The following RPH3AL variants were observed in gnomAD, a reference collection of about 807,000 sequenced individuals.
RPH3AL encodes rab effector Noc2.
A neutral mutation model predicts 43.1 loss-of-function variants in RPH3AL; 38 were observed. The observed-to-expected ratio is 0.88, with a 90% CI of 0.68 to 1.15. The LOEUF (loss-of-function observed/expected upper bound fraction) is 1.15, where lower values mean the gene tolerates loss of function less well. Ranked by LOEUF, RPH3AL falls within the 50% of genes most tolerant of loss-of-function variation. The pLI, the probability that RPH3AL is intolerant of heterozygous loss-of-function variation, is 0.00. For synonymous variants in RPH3AL, 189 were observed against 176.3 expected, an observed-to-expected ratio of 1.07 and a Z score of -0.57; for missense variants, 462 against 423.2, an observed-to-expected ratio of 1.09 and a Z score of -0.81.
chr17:265,474 C>A (rs1208513553), intron 6 of RPH3AL, among the ~76,000 whole-genome samples: 2 of 152,190 alleles, frequency 1.3e-5, no homozygotes, highest in African/African-American at 4.8e-5. Context: ...CACATATCCA[C>A]CTAAGACAAC....
At chr17:351,458 A>G (rs1463594239) in intron 1 of RPH3AL, among the ~76,000 whole-genome samples, 4 of 152,104 alleles carry the variant, frequency 2.6e-5, no homozygotes, top group Non-Finnish European at 4.4e-5. Flanking sequence ...ACCTGCTGCA[A>G]CCAAAATAGA....
chr17:269,095 G>A (rs998658201), intron 6 of RPH3AL, among the ~76,000 whole-genome samples: 9 of 152,118 alleles, frequency 5.9e-5, no homozygotes, highest in East Asian at 1.9e-4. Flanking sequence ...AGCCAGGATG[G>A]TCTCGATCTC....
At chr17:343,397 G>A (rs4247114) in intron 1 of RPH3AL, among the ~76,000 whole-genome samples, 120,185 of 152,174 alleles carry the variant, frequency 0.79, 50,490 homozygotes, top group Non-Finnish European at 0.93. Flanking sequence ...CAAAGCAGGC[G>A]CTCAACCCTG....
intron 7 of RPH3AL, among the ~76,000 whole-genome samples, chr17:243,366 G>C (rs2041632412): frequency 7.9e-6 from 1 of 127,360 alleles, no homozygotes; most frequent in South Asian, 2.6e-4. Context: ...TTCCTCTATT[G>C]ATTACCCTTC....
chr17:235,128 C>G (rs964270290), intron 7 of RPH3AL, among the ~76,000 whole-genome samples: 2 of 151,970 alleles, frequency 1.3e-5, no homozygotes, highest in African/African-American at 2.4e-5. Flanking sequence ...TCGGCCGAGG[C>G]TCTGCACTAA....
rs905074941 is a variant in RPH3AL at position 274,083 on chromosome 17, C to T, written c.438+7685G>A. Reference sequence around the variant, plus strand: ...CTTTGAGTGAGTCATTCTTCGTTTTCGTTTAGTGGATAGGGATTCGAGGCT... The same window carrying T: ...CTTTGAGTGAGTCATTCTTCGTTTTTGTTTAGTGGATAGGGATTCGAGGCT... On this transcript the variant is annotated intron_variant, in intron 6 of 9. Transcript: ENST00000331302. The surrounding 1 kb of genome is among the most constrained non-coding windows in gnomAD (Gnocchi z 4.7). 2.6e-5 allele frequency among the ~76,000 whole-genome samples: 4 copies of T among 152,174 alleles called. No homozygotes were observed. Among genetic ancestry groups the T allele is most frequent in the South Asian group, 2.1e-4 (1 of 4,824 alleles).
intron 7 of RPH3AL, among the ~76,000 whole-genome samples, chr17:220,228 C>A (rs2040929962): frequency 3.3e-5 from 5 of 149,836 alleles, no homozygotes; most frequent in Non-Finnish European, 4.5e-5. Context: ...GACCCAAAAA[C>A]AACAGCTCTG....
intron 7 of RPH3AL, among the ~76,000 whole-genome samples, chr17:223,066 T>C (rs979319476): frequency 6.6e-6 from 1 of 152,112 alleles, no homozygotes; most frequent in Non-Finnish European, 1.5e-5. Flanking sequence ...GATGGGCACG[T>C]GTACTCCCAG....
chr17:270,419 G>A (rs2042434789), intron 6 of RPH3AL, among the ~76,000 whole-genome samples: 1 of 152,220 alleles, frequency 6.6e-6, no homozygotes, highest in Non-Finnish European at 1.5e-5. Flanking sequence ...CGGCTGGGCT[G>A]GCTGCGGAGT....
chr17:219,192 CTTTTTTTT>C (rs796389217), intron 8 of RPH3AL, among the ~76,000 whole-genome samples: 2 of 58,018 alleles, frequency 3.4e-5, no homozygotes, highest in Admixed American at 3.1e-4. Flanking sequence ...ATAAACAGCA[CTTTTTTTT>C]TTTTTTTTTT....
intron 7 of RPH3AL, among the ~76,000 whole-genome samples, chr17:240,576 C>T (rs2041505338): frequency 6.6e-6 from 1 of 152,162 alleles, no homozygotes; most frequent in African/African-American, 2.4e-5. Flanking sequence ...CGGCTTCTTC[C>T]ACTTCGCATG....
rs78269977 is a variant in RPH3AL at position 321,346 on chromosome 17, C to A, written c.147G>T (p.Pro49=). ...EKQRRKQHLS[P]AEVEAILQVI... is the part of the protein sequence containing the mutation. ...CCTGCAGGATGGCCTCCACCTCCGC[C>A]GGGCTGAGGTGCTGCTTCCTCCTCT... The change falls in exon 4 of 10, where the codon CCG becomes CCT. Residue 49 remains proline (P), a synonymous_variant. Coordinates refer to ENST00000331302, the MANE Select transcript of RPH3AL (RefSeq NM_006987.4). The A allele has an allele frequency of 0.09, 145,601 of 1,611,272 alleles. 6,939 individuals carry two copies. Among genetic ancestry groups the A allele is most frequent in the Middle Eastern group, 0.099 (602 of 6,056 alleles).
intron 6 of RPH3AL, among the ~76,000 whole-genome samples, chr17:260,136 G>T (rs944273346): frequency 6.6e-6 from 1 of 152,142 alleles, no homozygotes; most frequent in African/African-American, 2.4e-5. Context: ...CCAACCCCAC[G>T]AGTCACAGCA....
chr17:242,252 CCTTCCTCTATTGATTA>C (rs2041559672), intron 7 of RPH3AL, among the ~76,000 whole-genome samples: 3 of 131,206 alleles, frequency 2.3e-5, no homozygotes, highest in African/African-American at 8.4e-5. Context: ...TTCATGATTA[CCTTCCTCTATTGATTA>C]CCTTCCTCTA....
intron 5 of RPH3AL, among the ~76,000 whole-genome samples, chr17:317,095 G>A (rs77340653): frequency 6.6e-5 from 2 of 30,370 alleles, no homozygotes; most frequent in Non-Finnish European, 1.4e-4. Flanking sequence ...TCCACCTCCA[G>A]TGACCTGTAG....
chr17:315,720 CCTCTATT>C (rs2044059263), intron 5 of RPH3AL, among the ~76,000 whole-genome samples: 1 of 148,176 alleles, frequency 6.7e-6, no homozygotes, highest in African/African-American at 2.5e-5. Context: ...TTGTGCCCCA[CCTCTATT>C]GACCCGTAGT....
chr17:243,036 A>ACCTTCCTCTATTGAT lies in RPH3AL; in HGVS notation c.613+4074_613+4075insATCAATAGAGGAAGG, dbSNP rs2041611911. Among the ~76,000 whole-genome samples the ACCTTCCTCTATTGAT allele has an allele frequency of 6.8e-4, 47 of 69,418 alleles. 2 individuals are homozygous for ACCTTCCTCTATTGAT. Among genetic ancestry groups the ACCTTCCTCTATTGAT allele is most frequent in the South Asian group, 1.9e-3 (3 of 1,614 alleles). 45.5% of individuals were successfully genotyped at this position (69,418 alleles called of 152,430 possible). A position where few individuals can be genotyped will look rare whatever the true frequency, so the allele number is the denominator to read the frequency against. ...TCTATTGAATACCTTCCTCTATTGA[A>ACCTTCCTCTATTGAT]TACCATCCTCTATTGATTACCCTTC... On this transcript the variant is annotated intron_variant, in intron 7 of 9. Coordinates refer to ENST00000331302, the MANE Select transcript of RPH3AL (RefSeq NM_006987.4).
At chr17:350,679 A>G (rs1223421182) in intron 1 of RPH3AL, among the ~76,000 whole-genome samples, 1 of 152,152 alleles carries the variant, frequency 6.6e-6, no homozygotes, top group Non-Finnish European at 1.5e-5. Context: ...AAACAAAACA[A>G]ACCCGTTTTT....
At chr17:226,513 C>G (rs1468500226) in intron 7 of RPH3AL, among the ~76,000 whole-genome samples, 1 of 152,146 alleles carries the variant, frequency 6.6e-6, no homozygotes. Context: ...AAACACCACT[C>G]GAAAGAAATA....
Sources: allele counts gnomAD v4.1 joint callset (sites outside exome capture counted in the v4.1 genomes callset), GRCh38; gene constraint gnomAD v4.1.1; non-coding constraint Gnocchi (gnomAD v3.1); transcripts MANE v1.5; gene names NCBI Gene and HGNC (gene_info 2026-07-23, HGNC 2026-07-21).